Variants in MUC4 observed in about 807,000 individuals in gnomAD.
The protein encoded by MUC4 is mucin 4, cell surface associated, also known as mucin-4.
A neutral mutation model predicts 257.9 loss-of-function variants in MUC4; 202 were observed. The observed-to-expected ratio is 0.78, with a 90% CI of 0.70 to 0.88. The LOEUF (loss-of-function observed/expected upper bound fraction) is 0.88. Ranked by LOEUF, MUC4 falls within the 40% of genes least tolerant of loss-of-function variation. The pLI is 0.00. For synonymous variants in MUC4, 2,351 were observed against 2,757.1 expected (o/e 0.85, Z 4.62); for missense variants, 5,976 against 6,513.7 (o/e 0.92, Z 2.84).
At position 195,765,135 on chromosome 3, in the gene MUC4, C is replaced by G; in HGVS notation, c.13799-13G>C. The G allele has an allele frequency of 6.2e-7, 1 of 1,608,600 alleles. No homozygotes were observed. Among genetic ancestry groups the G allele is most frequent in the Non-Finnish European group, 8.5e-7 (1 of 1,176,612 alleles). ...AGGCCCCAGCGACCTGAAACAAGTC[C>G]AGTCCCACTCAGGCCCAGGCTGGGG... On this transcript the variant is annotated splice_polypyrimidine_tract_variant and intron_variant, in intron 9 of 24. Coordinates refer to ENST00000463781, the MANE Select transcript of MUC4 (RefSeq NM_018406.7).
chr3:195,749,201 C>T (rs1314767057), intron 23 of MUC4, 137 bp from the exon 24 acceptor site: 27 of 1,105,964 alleles, frequency 2.4e-5, no homozygotes, highest in African/African-American at 1.4e-4. Context: ...TGCCCCTGGA[C>T]GTTCAGATCA....
chr3:195,782,211 G>T lies in MUC4; in HGVS notation c.9369C>A (p.Val3123=), dbSNP rs374359105. ...CTGTGGATGCTGAGGAAGTGTCGGT[G>T]ACAGGAAGAGGGGTGGTGTGACCTG... The part of the protein sequence containing the change: ...ASTGHTTPLP[V]TDTSSASTGQ... The change falls in exon 2 of 25, where the codon GTC becomes GTA. Residue 3123 remains valine (V), a synonymous_variant. Transcript: ENST00000463781. 4 of 1,400,232 alleles carry T rather than the reference G, an allele frequency of 2.9e-6. No homozygotes were observed. In the South Asian group the frequency reaches 4.0e-5, roughly 14 times the overall value. 86.7% of individuals were successfully genotyped at this position (1,400,232 alleles called of 1,614,324 possible). A position where few individuals can be genotyped will look rare whatever the true frequency, so the allele number is the denominator to read the frequency against.
Position 195,781,760 on chromosome 3 carries a change from A to G in MUC4, c.9820T>C (p.Tyr3274His). ...SLPVTDTSSA[Y>H]TGDTTSLPVT... ...GGAAGAGAGGTGGTGTCACCTGTGT[A>G]TGCTGAGGAAGTGTCGGTGACAGGA... Residue 3274 changes from tyrosine (Y) to histidine (H), a missense_variant, in exon 2 of 25, where the codon TAC becomes CAC. This residue lies in a region of MUC4 where 51 missense variants were observed against 66.9 expected (regional missense o/e 0.76). Transcript: ENST00000463781. 4 of 1,417,556 alleles carry G rather than the reference A, an allele frequency of 2.8e-6. No homozygotes were observed. Among genetic ancestry groups the G allele is most frequent in the Non-Finnish European group, 3.7e-6 (4 of 1,070,146 alleles). 87.8% of individuals were successfully genotyped at this position (1,417,556 alleles called of 1,614,324 possible).
chr3:195,781,566 G>C lies in MUC4; in HGVS notation c.10014C>G (p.Ser3338=). 7.8e-7 allele frequency: 1 copy of C among 1,280,784 alleles called. No individual in the cohort carries two copies. Among genetic ancestry groups the C allele is most frequent in the Admixed American group, 2.2e-5 (1 of 44,732 alleles). 79.3% of individuals were successfully genotyped at this position (1,280,784 alleles called of 1,614,324 possible). A position where few individuals can be genotyped will look rare whatever the true frequency, so the allele number is the denominator to read the frequency against. ...PLHVTSPSSA[S]TGDTTPVPVT... Reference sequence around the variant, plus strand: ...CAGGCACAGGGGTGGTGTCACCTGTGGATGCTGAGGAAGGGCTGGTGACAT... The same window carrying C: ...CAGGCACAGGGGTGGTGTCACCTGTCGATGCTGAGGAAGGGCTGGTGACAT... Residue 3338 remains serine, a synonymous_variant, in exon 2 of 25, where the codon TCC becomes TCG. Transcript: ENST00000463781.
In MUC4 at chr3:195,786,006, A is replaced by C. The variant is rs1366804812; in HGVS notation, c.5574T>G (p.Pro1858=). 3.9e-5 allele frequency: 59 copies of C among 1,520,224 alleles called. No individual in the cohort carries two copies. The highest frequency in any genetic ancestry group is 5.2e-5 in the Non-Finnish European group (59 of 1,130,060). 94.2% of individuals were successfully genotyped at this position (1,520,224 alleles called of 1,614,324 possible). ...SASSGHTTSL[P]VTDASSVSTG... Reference sequence around the variant, plus strand: ...TGGACACTGAGGAAGCGTCGGTGACAGGAAGAGAGGTGGTGTGACCTGAAG... The same window carrying C: ...TGGACACTGAGGAAGCGTCGGTGACCGGAAGAGAGGTGGTGTGACCTGAAG... The change falls in exon 2 of 25, where the codon CCT becomes CCG. Residue 1858 remains proline (P), a synonymous_variant. Coordinates refer to ENST00000463781, the MANE Select transcript of MUC4 (RefSeq NM_018406.7).
chr3:195,778,716 C>G, intron 2 of MUC4, 74 bp downstream of exon 2: 4 of 1,462,088 alleles, frequency 2.7e-6, no homozygotes, highest in South Asian at 1.3e-5. Flanking sequence ...CACCAGTGTT[C>G]TCAGGTACTC....
Position 195,778,786 on chromosome 3 carries a change from C to A in MUC4, c.12790+4G>T. The A allele has an allele frequency of 6.2e-7, 1 of 1,606,440 alleles. No individual in the cohort carries two copies. The highest frequency in any genetic ancestry group is 8.5e-7 in the Non-Finnish European group (1 of 1,175,978). ...GACATAAAGGCGAGGCAGTTGGCAG[C>A]TACCTGGTGTTTCCATCTTCAGAGG... On this transcript the variant is annotated splice_donor_region_variant and intron_variant, in intron 2 of 24. Transcript: ENST00000463781.
At chr3:195,767,239 T>A (rs1424564630) in intron 7 of MUC4, among the ~76,000 whole-genome samples, 1 of 152,090 alleles carries the variant, frequency 6.6e-6, no homozygotes, top group East Asian at 1.9e-4. Context: ...AGTTTTCACA[T>A]CTGTATAAAA....
intron 7 of MUC4, among the ~76,000 whole-genome samples, chr3:195,767,521 A>G (rs1720963923): frequency 7.4e-6 from 1 of 135,076 alleles, no homozygotes. Flanking sequence ...CACCATCACC[A>G]CCACCATCGC....
intron 1 of MUC4, among the ~76,000 whole-genome samples, chr3:195,804,453 G>A (rs1560421267): frequency 1.3e-5 from 2 of 152,258 alleles, no homozygotes; most frequent in Non-Finnish European, 2.9e-5. Flanking sequence ...ATTCCAAGAA[G>A]GGTGAAGCCA....
At position 195,810,702 on chromosome 3, in the gene MUC4, G is replaced by A. The variant is rs1736599883; in HGVS notation, c.82+1034C>T. 6.6e-6 allele frequency among the ~76,000 whole-genome samples: 1 copy of A among 152,106 alleles called. No individual in the cohort carries two copies. The highest frequency in any genetic ancestry group is 2.4e-5 in the African/African-American group (1 of 41,424). ...TCCGCACCACCCTCCCGGCCGGCCTGCCCCTCTCCTCCTTGTCGCTTCCCT... is the reference window on the plus strand; with the variant it reads ...TCCGCACCACCCTCCCGGCCGGCCTACCCCTCTCCTCCTTGTCGCTTCCCT... On this transcript the variant is annotated intron_variant, in intron 1 of 24. Coordinates refer to ENST00000463781, the MANE Select transcript of MUC4 (RefSeq NM_018406.7). The surrounding 1 kb of genome is among the most constrained non-coding windows in gnomAD (Gnocchi z 4.2).
At chr3:195,748,697 A>G (rs539363082) in intron 24 of MUC4, among the ~76,000 whole-genome samples, 9 of 151,236 alleles carry the variant, frequency 6.0e-5, no homozygotes, top group African/African-American at 2.2e-4. Context: ...AAGCCCCCCT[A>G]TGGCTCTTTT....
In MUC4 at chr3:195,774,518, T is replaced by C. The variant is rs116414129; in HGVS notation, c.12944-213A>G. ...ACTCCCTAAACTGCGCCTCTCATCC[T>C]TCCCCAGCTTGGAGAAAAACAGGTC... is the stretch of plus-strand genomic sequence containing the variant. On this transcript the variant is annotated intron_variant, in intron 3 of 24. Coordinates refer to ENST00000463781, the MANE Select transcript of MUC4 (RefSeq NM_018406.7). 5.7e-3 allele frequency among the ~76,000 whole-genome samples: 873 copies of C among 152,304 alleles called. 8 individuals carry two copies. The highest frequency in any genetic ancestry group is 0.02 in the African/African-American group (833 of 41,570).
intron 1 of MUC4, among the ~76,000 whole-genome samples, chr3:195,798,413 T>C (rs1015562805): frequency 1.3e-5 from 2 of 152,134 alleles, no homozygotes; most frequent in Non-Finnish European, 2.9e-5. Flanking sequence ...TTAAAAAATA[T>C]ATAGTTTAGG....
At position 195,789,857 on chromosome 3, in the gene MUC4, C is replaced by T; in HGVS notation, c.1723G>A (p.Gly575Arg). Residue 575 changes from glycine to arginine, a missense_variant, in exon 2 of 25, where the codon GGA becomes AGA. Coordinates refer to ENST00000463781, the MANE Select transcript of MUC4 (RefSeq NM_018406.7). ...CTTGGGCTGCTGAGAAGAGCCTCTC[C>T]AGTGGTCCCCGTTTCTTGTGTCCAT... is the stretch of plus-strand genomic sequence containing the variant. Reference protein sequence around the residue: ...TQWTQETGTTGEALLSSPSYS... With the variant: ...TQWTQETGTTREALLSSPSYS... 3.7e-6 allele frequency: 6 copies of T among 1,613,988 alleles called. No individual in the cohort carries two copies. Among genetic ancestry groups the T allele is most frequent in the Non-Finnish European group, 4.2e-6 (5 of 1,179,878 alleles).
At chr3:195,753,510 C>A in intron 19 of MUC4, 1 of 503,368 alleles carries the variant, frequency 2.0e-6, no homozygotes, top group Non-Finnish European at 3.5e-6. Flanking sequence ...AGGAGGGGCC[C>A]CCAGCTGGCT....
chr3:195,756,602 CCTTTCCTTT>C lies in MUC4; in HGVS notation c.15168+536_15168+544del, dbSNP rs747437207. On this transcript the variant is annotated intron_variant, in intron 18 of 24. Coordinates refer to ENST00000463781, the MANE Select transcript of MUC4 (RefSeq NM_018406.7). The stretch of plus-strand genomic sequence containing the variant: ...TTCTTTTTCTCCTTTCCCTTTCTTT[CCTTTCCTTT>C]CTTTCCTTTCCTTTCTTTCCCTCCT... 4.4e-3 allele frequency among the ~76,000 whole-genome samples: 647 copies of C among 147,980 alleles called. 20 individuals are homozygous for C. The East Asian group carries it at 0.082, about 19-fold the overall frequency.
intron 1 of MUC4, among the ~76,000 whole-genome samples, chr3:195,798,627 C>G (rs1011872809): frequency 1.7e-5 from 2 of 114,708 alleles, no homozygotes; most frequent in African/African-American, 5.3e-5. Flanking sequence ...TGGCGTGAAC[C>G]CGGGAGGCGG....
rs1171958350 is a variant in MUC4, at chr3:195,785,836, G to T, written c.5744C>A (p.Thr1915Lys). 6.6e-7 allele frequency: 1 copy of T among 1,519,712 alleles called. No homozygotes were observed. Among genetic ancestry groups the T allele is most frequent in the Non-Finnish European group, 8.9e-7 (1 of 1,125,512 alleles). 94.1% of individuals were successfully genotyped at this position (1,519,712 alleles called of 1,614,324 possible). A position where few individuals can be genotyped will look rare whatever the true frequency, so the allele number is the denominator to read the frequency against. ...LHVTDASSVS[T>K]GHATSLPVTS... Reference sequence around the variant, plus strand: ...GACAGGAAGAGAGGTGGCGTGACCTGTGGATACTGAGGAAGCGTCGGTGAC... The same window carrying T: ...GACAGGAAGAGAGGTGGCGTGACCTTTGGATACTGAGGAAGCGTCGGTGAC... Residue 1915 changes from threonine (T) to lysine (K), a missense_variant, in exon 2 of 25, where the codon ACA becomes AAA. Thr to Lys is a moderately conservative substitution (Grantham distance 78). Around this residue, in one of 44 missense-constraint regions of MUC4, gnomAD observed 87 missense variants for 104.6 expected, o/e 0.83. Transcript: ENST00000463781.
Sources: gnomAD v4.1 joint callset for allele counts (sites outside exome capture counted in the v4.1 genomes callset) on GRCh38, gnomAD v4.1.1 for gene constraint, gnomAD v4.1.1 regional missense constraint, Gnocchi (gnomAD v3.1) non-coding constraint, MANE v1.5 for transcripts, NCBI Gene and HGNC (gene_info 2026-07-23, HGNC 2026-07-21) for gene names.